REDIC1: variants seen among roughly 807,000 people sequenced by gnomAD.
REDIC1 encodes regulator of DNA class I crossover intermediates 1.
At chr12:39,713,919 A>T in the REDIC1 span, among the ~76,000 whole-genome samples, 1 of 148,268 alleles carries the variant, frequency 6.7e-6, no homozygotes, top group South Asian at 2.1e-4. Flanking sequence ...GTGTATATGT[A>T]TATATTAAAT....
chr12:39,739,804 A>T, the REDIC1 span, among the ~76,000 whole-genome samples: 1 of 152,064 alleles, frequency 6.6e-6, no homozygotes, highest in Non-Finnish European at 1.5e-5. Context: ...CTGTTTCTCT[A>T]CCTCTGGAAT....
the REDIC1 span, among the ~76,000 whole-genome samples, chr12:39,708,100 G>A: frequency 6.6e-6 from 1 of 151,752 alleles, no homozygotes; most frequent in Non-Finnish European, 1.5e-5. Context: ...GTATTTGCTA[G>A]CACAACAGGG....
chr12:39,702,469 G>T, the REDIC1 span, among the ~76,000 whole-genome samples: 1 of 152,078 alleles, frequency 6.6e-6, no homozygotes, highest in African/African-American at 2.4e-5. Flanking sequence ...AAGAGTCCAG[G>T]ACCAGATGGA....
chr12:39,712,090 A>C, the REDIC1 span, among the ~76,000 whole-genome samples: 4 of 137,684 alleles, frequency 2.9e-5, no homozygotes, highest in African/African-American at 8.1e-5. Flanking sequence ...GTATATATAC[A>C]TACATATATA....
the REDIC1 span, among the ~76,000 whole-genome samples, chr12:39,731,374 C>A: frequency 6.6e-6 from 1 of 152,150 alleles, no homozygotes; most frequent in Non-Finnish European, 1.5e-5. Flanking sequence ...TAATGCTATT[C>A]CTTTCTGTTT....
At chr12:39,714,339 C>G in the REDIC1 span, among the ~76,000 whole-genome samples, 320 of 28,150 alleles carry the variant, frequency 0.011, 59 homozygotes, top group Non-Finnish European at 0.037. Flanking sequence ...GTATATATGT[C>G]TGAATATATG....
chr12:39,803,773 G>A, the REDIC1 span, among the ~76,000 whole-genome samples: 13 of 152,156 alleles, frequency 8.5e-5, no homozygotes, highest in South Asian at 8.3e-4. Context: ...GCATCTCACC[G>A]GAATTCCAAA....
the REDIC1 span, among the ~76,000 whole-genome samples, chr12:39,850,823 C>T: frequency 1.0e-3 from 158 of 152,008 alleles, no homozygotes; most frequent in African/African-American, 3.4e-3. Flanking sequence ...AGATATCTAT[C>T]GCCATAATAA....
At chr12:39,705,466 G>C in the REDIC1 span, among the ~76,000 whole-genome samples, 1 of 152,044 alleles carries the variant, frequency 6.6e-6, no homozygotes, top group Admixed American at 6.6e-5. Flanking sequence ...ATTCTACAAG[G>C]CAATGTATTA....
chr12:39,827,046 C>G, the REDIC1 span, among the ~76,000 whole-genome samples: 1 of 151,130 alleles, frequency 6.6e-6, no homozygotes, highest in Non-Finnish European at 1.5e-5. Flanking sequence ...TTGCACCAGC[C>G]TGATACTCTC....
chr12:39,713,234 G>T, the REDIC1 span, among the ~76,000 whole-genome samples: 3 of 122,190 alleles, frequency 2.5e-5, 1 homozygote, highest in South Asian at 2.4e-4. Flanking sequence ...ACATATACGT[G>T]TATATATGTG....
the REDIC1 span, among the ~76,000 whole-genome samples, chr12:39,812,846 T>G: frequency 2.0e-5 from 3 of 148,960 alleles, no homozygotes; most frequent in African/African-American, 7.4e-5. Context: ...TTTTTTTTTT[T>G]TTTTTTGAGA....
chr12:39,849,367 C>T, the REDIC1 span, among the ~76,000 whole-genome samples: 2 of 152,088 alleles, frequency 1.3e-5, no homozygotes, highest in East Asian at 1.9e-4. Context: ...CTAAAAGTCT[C>T]AGAGTTAATG....
the REDIC1 span, among the ~76,000 whole-genome samples, chr12:39,727,381 T>G: frequency 5.3e-5 from 8 of 152,194 alleles, no homozygotes; most frequent in Non-Finnish European, 1.0e-4. Context: ...CTAGCCAGTT[T>G]TCACAACAGC....
chr12:39,797,400 T>C, the REDIC1 span, among the ~76,000 whole-genome samples: 2 of 152,152 alleles, frequency 1.3e-5, no homozygotes, highest in African/African-American at 4.8e-5. Context: ...GCACAGTATT[T>C]TTCTCATTTA....
the REDIC1 span, among the ~76,000 whole-genome samples, chr12:39,904,957 C>T: frequency 1.3e-5 from 2 of 152,054 alleles, no homozygotes; most frequent in Non-Finnish European, 2.9e-5. Context: ...TTGATACAGA[C>T]GTGCAGGCAA....
the REDIC1 span, among the ~76,000 whole-genome samples, chr12:39,744,161 C>A: frequency 6.6e-6 from 1 of 152,070 alleles, no homozygotes; most frequent in Non-Finnish European, 1.5e-5. Flanking sequence ...AGAAACCATG[C>A]AAGCATGAAA....
At chr12:39,890,921 T>G in the REDIC1 span, among the ~76,000 whole-genome samples, 2 of 152,166 alleles carry the variant, frequency 1.3e-5, no homozygotes, top group Non-Finnish European at 2.9e-5. Flanking sequence ...TACATAATTT[T>G]AATTCTGTTA....
At chr12:39,704,903 C>G in the REDIC1 span, among the ~76,000 whole-genome samples, 1 of 151,864 alleles carries the variant, frequency 6.6e-6, no homozygotes, top group Non-Finnish European at 1.5e-5. Flanking sequence ...AGGGGAACAT[C>G]ACACTCTGGG....
Sources: gnomAD v4.1 joint callset for allele counts (sites outside exome capture counted in the v4.1 genomes callset) on GRCh38, gnomAD v4.1.1 for gene constraint, MANE v1.5 for transcripts, NCBI Gene and HGNC (gene_info 2026-07-23, HGNC 2026-07-21) for gene names.